ADAMTSL1: variants seen among roughly 807,000 people sequenced by gnomAD.
ADAMTSL1 encodes ADAMTS like 1, also known as ADAMTS-like protein 1.
A neutral mutation model predicts 201.8 loss-of-function variants in ADAMTSL1; 126 were observed. That is an observed-to-expected ratio of 0.62 (90% CI 0.54 to 0.72). The LOEUF (loss-of-function observed/expected upper bound fraction) is 0.72, where lower values mean the gene tolerates loss of function less well. ADAMTSL1 is among the 30% of genes least tolerant of loss of function. The pLI is 0.00. For synonymous variants in ADAMTSL1, 1,121 were observed against 903.4 expected, an observed-to-expected ratio of 1.24 and a Z score of -4.32; for missense variants, 2,679 against 2,277.8, an observed-to-expected ratio of 1.18 and a Z score of -3.59.
chr9:18,319,542 T>C (rs1322192744), intron 2 of ADAMTSL1, among the ~76,000 whole-genome samples: 1 of 152,080 alleles, frequency 6.6e-6, no homozygotes, highest in African/African-American at 2.4e-5. Context: ...CTACGTAAAC[T>C]CTCAAAAGAT....
At chr9:18,179,407 AC>A (rs1324531635) in intron 2 of ADAMTSL1, among the ~76,000 whole-genome samples, 3 of 152,228 alleles carry the variant, frequency 2.0e-5, no homozygotes, top group African/African-American at 7.2e-5. Flanking sequence ...TGACTGGTGT[AC>A]CTGAAAGTGA....
intron 1 of ADAMTSL1, among the ~76,000 whole-genome samples, chr9:18,000,806 C>A (rs534281561): frequency 6.6e-6 from 1 of 152,128 alleles, no homozygotes; most frequent in East Asian, 1.9e-4. Context: ...TAGGCCAGAG[C>A]GGCTCAGGTG....
chr9:18,521,434 T>G (rs1564014921), intron 2 of ADAMTSL1, among the ~76,000 whole-genome samples: 1 of 151,738 alleles, frequency 6.6e-6, no homozygotes, highest in Non-Finnish European at 1.5e-5. Flanking sequence ...TACATACACC[T>G]ACTAGATACC....
At chr9:18,416,538 A>C (rs1356026660) in intron 2 of ADAMTSL1, among the ~76,000 whole-genome samples, 1 of 151,998 alleles carries the variant, frequency 6.6e-6, no homozygotes, top group Non-Finnish European at 1.5e-5. Context: ...TATATTTTAA[A>C]TAAAAAGACA....
chr9:18,242,964 A>G (rs1224665718), intron 2 of ADAMTSL1, among the ~76,000 whole-genome samples: 1 of 152,130 alleles, frequency 6.6e-6, no homozygotes, highest in Non-Finnish European at 1.5e-5. Context: ...CAAAATCCTA[A>G]TGGCATTTTT....
At position 18,818,313 on chromosome 9, in the gene ADAMTSL1, C is replaced by T. The variant is rs1229289795; in HGVS notation, c.3934+1076C>T. On this transcript the variant is annotated intron_variant, in intron 21 of 28. Coordinates refer to ENST00000380548, the MANE Select transcript of ADAMTSL1 (RefSeq NM_001040272.6). Reference sequence around the variant, plus strand: ...TCTGCAGAGTAGATAGGCAGTGGCACCCCCATGCTTTGGTGGTTGCTTCAT... The same window carrying T: ...TCTGCAGAGTAGATAGGCAGTGGCATCCCCATGCTTTGGTGGTTGCTTCAT... 8.3e-3 allele frequency among the ~76,000 whole-genome samples: 50 copies of T among 6,014 alleles called. No individual in the cohort carries two copies. The South Asian group carries it at 0.2, about 23-fold the overall frequency. 3.9% of individuals were successfully genotyped at this position (6,014 alleles called of 152,430 possible). A position where few individuals can be genotyped will look rare whatever the true frequency, so the allele number is the denominator to read the frequency against.
At chr9:18,423,575 A>G (rs1442179977) in intron 2 of ADAMTSL1, among the ~76,000 whole-genome samples, 3 of 152,218 alleles carry the variant, frequency 2.0e-5, no homozygotes, top group Non-Finnish European at 4.4e-5. Context: ...ACTTTGAGGG[A>G]TGCAGCTCCT....
In ADAMTSL1 at chr9:18,552,269, T is replaced by TA. The variant is rs927717039; in HGVS notation, c.237+18986dup. ...GCTTTAGTTGCATCCCGCAGTGTGA[T>TA]AAAAAAAAATTTTCATTATCATTCA... On this transcript the variant is annotated intron_variant, in intron 3 of 28. Transcript: ENST00000380548. Among the ~76,000 whole-genome samples the TA allele has an allele frequency of 4.0e-5, 6 of 151,564 alleles. No homozygotes were observed. The South Asian group carries it at 8.3e-4, about 21-fold the overall frequency.
intron 26 of ADAMTSL1, among the ~76,000 whole-genome samples, chr9:18,899,619 A>ACT (rs1409752888): frequency 6.6e-6 from 1 of 152,114 alleles, no homozygotes; most frequent in Non-Finnish European, 1.5e-5. Context: ...CGAATAGAGA[A>ACT]CTCAGAAATA....
intron 23 of ADAMTSL1, among the ~76,000 whole-genome samples, chr9:18,881,829 G>C (rs1324784780): frequency 6.6e-6 from 1 of 152,136 alleles, no homozygotes; most frequent in Non-Finnish European, 1.5e-5. Context: ...CCTGGGTCTT[G>C]AGTTCCAAGA....
intron 21 of ADAMTSL1, among the ~76,000 whole-genome samples, chr9:18,817,526 G>A (rs1408825766): frequency 1.3e-5 from 2 of 152,202 alleles, no homozygotes; most frequent in Admixed American, 1.3e-4. Context: ...ATGGGGGCAA[G>A]GAGTTCCAAG....
At chr9:18,262,734 A>G (rs779649112) in intron 2 of ADAMTSL1, among the ~76,000 whole-genome samples, 14 of 152,200 alleles carry the variant, frequency 9.2e-5, no homozygotes, top group Non-Finnish European at 1.3e-4. Flanking sequence ...AATTCCAGAA[A>G]AGTTCATCGG....
rs1830332208 is a variant in ADAMTSL1 at position 18,906,759 on chromosome 9, C to G, written c.5029C>G (p.Leu1677Val). ...SVHWRVSLWT[L>V]CTATCGNYGF... ...ACACTGGAGAGTCAGCCTGTGGACC[C>G]TGTGCACAGCTACCTGTGGCAACTA... is the stretch of plus-strand genomic sequence containing the variant. Residue 1677 changes from leucine (L) to valine (V), a missense_variant, in exon 28 of 29, where the codon CTG (leucine) becomes GTG (valine). Transcript: ENST00000380548. 2 of 1,613,756 alleles carry G rather than the reference C, an allele frequency of 1.2e-6. No homozygotes were observed. The highest frequency in any genetic ancestry group is 1.1e-5 in the South Asian group (1 of 91,070).
intron 1 of ADAMTSL1, among the ~76,000 whole-genome samples, chr9:17,936,200 G>A (rs908360105): frequency 2.0e-5 from 3 of 152,066 alleles, no homozygotes; most frequent in African/African-American, 7.2e-5. Flanking sequence ...CTATTTACTG[G>A]TGCCTTATGT....
In ADAMTSL1 at chr9:18,892,373, TTC is replaced by T; in HGVS notation, c.4644-14_4644-13del. 6.2e-7 allele frequency: 1 copy of T among 1,606,830 alleles called. No individual in the cohort carries two copies. Among genetic ancestry groups the T allele is most frequent in the Non-Finnish European group, 8.5e-7 (1 of 1,177,182 alleles). ...TGTCCCTTTAGGGCTCTCCTGACAC[TTC>T]TTCCTCTCCCCAGGTGGATGGTGAC... On this transcript the variant is annotated splice_polypyrimidine_tract_variant and intron_variant, in intron 25 of 28. Transcript: ENST00000380548.
At chr9:18,671,826 A>T (rs1440555698) in intron 9 of ADAMTSL1, among the ~76,000 whole-genome samples, 1 of 152,118 alleles carries the variant, frequency 6.6e-6, no homozygotes, top group East Asian at 1.9e-4. Context: ...TCACGAGGGC[A>T]GGAGATCGAG....
intron 18 of ADAMTSL1, among the ~76,000 whole-genome samples, 190 bp from the exon 19 acceptor site, chr9:18,776,591 C>A (rs115838491): frequency 1.8e-4 from 27 of 152,282 alleles, no homozygotes; most frequent in African/African-American, 6.0e-4. Flanking sequence ...AAAACACAGG[C>A]AGTAAAGGAT....
intron 3 of ADAMTSL1, among the ~76,000 whole-genome samples, chr9:18,540,800 T>C (rs1564030204): frequency 6.6e-6 from 1 of 152,110 alleles, no homozygotes; most frequent in Non-Finnish European, 1.5e-5. Context: ...TAACCTCAGG[T>C]AGGAAGACTC....
At chr9:18,154,427 T>A (rs1426404820) in intron 1 of ADAMTSL1, among the ~76,000 whole-genome samples, 1 of 152,062 alleles carries the variant, frequency 6.6e-6, no homozygotes, top group East Asian at 1.9e-4. Flanking sequence ...TAGGCACAGC[T>A]AGAGGCTGGG....
Sources: allele counts gnomAD v4.1 joint callset (sites outside exome capture counted in the v4.1 genomes callset), GRCh38; gene constraint gnomAD v4.1.1; transcripts MANE v1.5; gene names NCBI Gene and HGNC (gene_info 2026-07-23, HGNC 2026-07-21).